PSMB7: variants seen among roughly 807,000 people sequenced by gnomAD.
PSMB7 encodes proteasome subunit beta type-7.
PSMB7 carries 5 observed loss-of-function variants against 28.1 expected under a neutral mutation model. The observed-to-expected ratio is 0.18, with a 90% confidence interval of 0.09 to 0.37. The LOEUF is 0.37. Among genes scored for constraint, PSMB7 ranks in the 10% least tolerant of loss-of-function variants. The pLI is 1.00. For missense variants in PSMB7, 275 were observed against 346.2 expected, an observed-to-expected ratio of 0.79 and a Z score of 1.63; for synonymous variants, 122 against 123.7, an observed-to-expected ratio of 0.99 and a Z score of 0.09.
chr9:124,389,185 G>C (rs1028785123), intron 5 of PSMB7, among the ~76,000 whole-genome samples: 1 of 151,784 alleles, frequency 6.6e-6, no homozygotes, highest in African/African-American at 2.4e-5. Flanking sequence ...AAAGGAAAAA[G>C]GGCCTTAAAA....
intron 6 of PSMB7, among the ~76,000 whole-genome samples, chr9:124,377,035 C>A (rs772073227): frequency 1.1e-4 from 16 of 152,180 alleles, no homozygotes; most frequent in Non-Finnish European, 2.1e-4. Context: ...ATAAATTCAC[C>A]AAGCCTGATG....
intron 5 of PSMB7, among the ~76,000 whole-genome samples, chr9:124,385,529 G>A (rs1661374824): frequency 1.3e-5 from 2 of 152,118 alleles, no homozygotes; most frequent in South Asian, 4.1e-4. Flanking sequence ...ACAGGTCCTG[G>A]CAATATTTCA....
At chr9:124,376,055 A>C (rs551096904) in intron 6 of PSMB7, among the ~76,000 whole-genome samples, 9 of 152,338 alleles carry the variant, frequency 5.9e-5, no homozygotes, top group Middle Eastern at 3.4e-3. Flanking sequence ...CAACCTAAAT[A>C]AGACGGAGGA....
At chr9:124,370,553 G>A (rs1189109281) in intron 6 of PSMB7, among the ~76,000 whole-genome samples, 1 of 152,044 alleles carries the variant, frequency 6.6e-6, no homozygotes, top group Non-Finnish European at 1.5e-5. Context: ...AAACTGCAAA[G>A]CTTTTTTTTT....
At chr9:124,390,688 C>G (rs1317273305) in intron 5 of PSMB7, among the ~76,000 whole-genome samples, 1 of 152,006 alleles carries the variant, frequency 6.6e-6, no homozygotes, top group Non-Finnish European at 1.5e-5. Flanking sequence ...GTGCTATTTT[C>G]TTTTTACTTG....
chr9:124,354,017 A>AATCT (rs1830368474), intron 7 of PSMB7, among the ~76,000 whole-genome samples: 1 of 152,126 alleles, frequency 6.6e-6, no homozygotes, highest in Non-Finnish European at 1.5e-5. Flanking sequence ...CCTTGACATC[A>AATCT]ATCTTCAACC....
At chr9:124,412,546 T>A in intron 3 of PSMB7, 54 bp from the exon 4 acceptor site, 1 of 1,591,710 alleles carries the variant, frequency 6.3e-7, no homozygotes, top group South Asian at 1.1e-5. Flanking sequence ...AGGGCTCAAT[T>A]AGAAGTAATG....
chr9:124,398,355 A>C (rs1300783608), intron 5 of PSMB7: 1 of 206,272 alleles, frequency 4.8e-6, no homozygotes, highest in African/African-American at 2.4e-5. Context: ...CCAGCCCTGC[A>C]CAGCTACGAC....
At chr9:124,360,818 G>A (rs1427684668) in intron 6 of PSMB7, among the ~76,000 whole-genome samples, 2 of 152,188 alleles carry the variant, frequency 1.3e-5, no homozygotes, top group Non-Finnish European at 2.9e-5. Context: ...GTAATATAAT[G>A]ATAATAAATC....
intron 5 of PSMB7, among the ~76,000 whole-genome samples, chr9:124,386,711 T>G (rs933881778): frequency 6.6e-6 from 1 of 152,208 alleles, no homozygotes; most frequent in Non-Finnish European, 1.5e-5. Flanking sequence ...AGCTAACAAC[T>G]TGTGGAAAAC....
chr9:124,360,216 A>G (rs1433353456), intron 6 of PSMB7, among the ~76,000 whole-genome samples: 1 of 152,276 alleles, frequency 6.6e-6, no homozygotes, highest in African/African-American at 2.4e-5. Context: ...TAAGAAAACT[A>G]TCAAGAAAAA....
Position 124,410,668 on chromosome 9 carries a change from T to C in PSMB7, c.395+1684A>G, listed in dbSNP as rs145181226. On this transcript the variant is annotated intron_variant, in intron 4 of 7. Coordinates refer to ENST00000259457, the MANE Select transcript of PSMB7 (RefSeq NM_002799.4). ...TACGTACACAAACATAAAGCAGCAA[T>C]TGGATAGACAAGGCTTCCTATCCAT... Among the ~76,000 whole-genome samples, 567 of 152,344 alleles carry C rather than the reference T, an allele frequency of 3.7e-3. 3 individuals are homozygous for C. Among genetic ancestry groups the C allele is most frequent in the African/African-American group, 0.012 (512 of 41,570 alleles).
chr9:124,386,740 A>C (rs937688056), intron 5 of PSMB7, among the ~76,000 whole-genome samples: 2 of 152,228 alleles, frequency 1.3e-5, no homozygotes, highest in East Asian at 3.8e-4. Context: ...ATTGTTAAAA[A>C]AGAAAAACAA....
intron 5 of PSMB7, among the ~76,000 whole-genome samples, chr9:124,387,357 A>G (rs74494404): frequency 6.6e-6 from 1 of 152,238 alleles, no homozygotes; most frequent in Non-Finnish European, 1.5e-5. Context: ...TTGGAACAAA[A>G]GAGTTTCTCC....
intron 4 of PSMB7, among the ~76,000 whole-genome samples, chr9:124,406,780 T>C (rs1830970411): frequency 6.6e-6 from 1 of 152,090 alleles, no homozygotes; most frequent in Admixed American, 6.5e-5. Flanking sequence ...ATTGTGCACA[T>C]ATTTGTTCCT....
intron 6 of PSMB7, among the ~76,000 whole-genome samples, chr9:124,360,861 A>T (rs961502441): frequency 7.9e-5 from 12 of 152,264 alleles, no homozygotes; most frequent in African/African-American, 2.7e-4. Flanking sequence ...AATTAGAAAT[A>T]AAGGTACAGA....
Position 124,353,962 on chromosome 9 carries a change from T to C in PSMB7, c.723-253A>G, listed in dbSNP as rs1192132842. Among the ~76,000 whole-genome samples, 3 of 144,058 alleles carry C rather than the reference T, an allele frequency of 2.1e-5. No homozygotes were observed. In the East Asian group the frequency reaches 5.8e-4, roughly 28 times the overall value. The allele number at this position is 144,058 out of a possible 152,430, so 94.5% of individuals were successfully genotyped here. ...CTGGCCCTTGGTGGACACGTGACTC[T>C]CCCCCCACCCCACCATCCCCACAAG... On this transcript the variant is annotated intron_variant, in intron 7 of 7. Transcript: ENST00000259457.
rs544350315 is a variant in PSMB7 at position 124,385,143 on chromosome 9, G to A, written c.512-487C>T. Among the ~76,000 whole-genome samples, 3 of 152,206 alleles carry A rather than the reference G, an allele frequency of 2.0e-5. No homozygotes were observed. The South Asian group carries it at 6.2e-4, about 31-fold the overall frequency. ...CTTGACACGCAGGGAAGAAACTACC[G>A]CACCAGCAATGGTAATAGGACTGCG... On this transcript the variant is annotated intron_variant, in intron 5 of 7. Coordinates refer to ENST00000259457, the MANE Select transcript of PSMB7 (RefSeq NM_002799.4).
chr9:124,412,262 T>G, intron 4 of PSMB7, 90 bp downstream of exon 4: 1 of 1,299,376 alleles, frequency 7.7e-7, no homozygotes, highest in Non-Finnish European at 1.1e-6. Flanking sequence ...TCTGAATGTG[T>G]TTTTGCTACT....
Sources: gnomAD v4.1 joint callset for allele counts (sites outside exome capture counted in the v4.1 genomes callset) on GRCh38, gnomAD v4.1.1 for gene constraint, MANE v1.5 for transcripts, NCBI Gene and HGNC (gene_info 2026-07-23, HGNC 2026-07-21) for gene names.